Variants in PDXDC1 observed in about 807,000 individuals in gnomAD.
PDXDC1 encodes the protein pyridoxal-dependent decarboxylase domain-containing protein 1.
Under a neutral mutation model 100.1 loss-of-function variants are expected in PDXDC1, and 42 were observed. The ratio of observed to expected loss-of-function variants is 0.42; its 90% CI spans 0.33 to 0.54. The LOEUF (loss-of-function observed/expected upper bound fraction) is 0.54, where lower values mean the gene tolerates loss of function less well. Among genes scored for constraint, PDXDC1 ranks in the 20% least tolerant of loss-of-function variants. The pLI is 0.10. For synonymous variants in PDXDC1, 260 were observed against 371.7 expected (o/e 0.70, Z 3.46); for missense variants, 636 against 979.2 (o/e 0.65, Z 4.68).
chr16:14,986,898 C>T (rs1382773938), intron 1 of PDXDC1, among the ~76,000 whole-genome samples: 19 of 152,392 alleles, frequency 1.2e-4, no homozygotes, highest in Admixed American at 5.2e-4. Flanking sequence ...AGGCGCACAC[C>T]GCCACGTCCA....
intron 16 of PDXDC1, chr16:15,048,132 G>A: frequency 1.4e-6 from 2 of 1,426,654 alleles, no homozygotes; most frequent in African/African-American, 1.4e-5. Flanking sequence ...AAATAGTGAT[G>A]TAAATTAGTG....
intron 16 of PDXDC1, among the ~76,000 whole-genome samples, chr16:15,128,628 C>T (rs540620775): frequency 6.6e-6 from 1 of 152,028 alleles, no homozygotes; most frequent in Admixed American, 6.6e-5. Context: ...GACATGCAAA[C>T]ATGGCTGCAC....
chr16:15,011,641 T>TC (rs1319728291), intron 8 of PDXDC1, among the ~76,000 whole-genome samples: 9 of 151,284 alleles, frequency 5.9e-5, no homozygotes, highest in Non-Finnish European at 4.4e-5. Context: ...CTTTTTTTTT[T>TC]TTTTTTTTTG....
rs1272681922 is a variant in PDXDC1, at chr16:15,094,103, C to G, written c.1400-44776C>G. On this transcript the variant is annotated intron_variant, in intron 16 of 16. Transcript: ENST00000535621. ...CCGCTCCTCTAAGCGCCGTCCTGAG[C>G]TTTCGTCCCAGATACGCAGAAGGAA... is the stretch of plus-strand genomic sequence containing the variant. 2.6e-6 allele frequency: 4 copies of G among 1,536,634 alleles called. No homozygotes were observed. In the Admixed American group the frequency reaches 7.6e-5, roughly 29 times the overall value.
intron 1 of PDXDC1, among the ~76,000 whole-genome samples, chr16:14,984,463 G>GTA (rs2151193256): frequency 7.5e-6 from 1 of 133,558 alleles, no homozygotes; most frequent in African/African-American, 2.7e-5. Context: ...GAGTGTGTGT[G>GTA]TGTGTGTGTA....
the PDXDC1 span, among the ~76,000 whole-genome samples, chr16:15,150,120 G>A: frequency 1.3e-5 from 2 of 151,604 alleles, no homozygotes; most frequent in African/African-American, 2.4e-5. Flanking sequence ...TGAGGCGGGT[G>A]GATCACGAGG....
chr16:15,123,035 C>T (rs909298214), intron 16 of PDXDC1, among the ~76,000 whole-genome samples: 13 of 150,496 alleles, frequency 8.6e-5, no homozygotes, highest in African/African-American at 2.7e-4. Context: ...ACAGGACACG[C>T]GGGGCAAGGG....
intron 16 of PDXDC1, among the ~76,000 whole-genome samples, chr16:15,077,293 G>A (rs1249696691): frequency 2.0e-5 from 3 of 152,094 alleles, no homozygotes; most frequent in Non-Finnish European, 4.4e-5. Flanking sequence ...ATCTCATCTT[G>A]AATCGTACTC....
chr16:15,074,927 C>G, intron 16 of PDXDC1: 1 of 1,449,564 alleles, frequency 6.9e-7, no homozygotes, highest in Non-Finnish European at 9.4e-7. Flanking sequence ...AGTAGGAAAA[C>G]TGTCATAAGT....
At chr16:15,111,523 G>T (rs1393920853) in intron 16 of PDXDC1, among the ~76,000 whole-genome samples, 5 of 148,488 alleles carry the variant, frequency 3.4e-5, no homozygotes, top group African/African-American at 1.2e-4. Context: ...ACTTTGGGAG[G>T]CCGAGGCGGG....
intron 16 of PDXDC1, chr16:15,083,560 T>C (rs202243863): frequency 3.0e-5 from 48 of 1,609,340 alleles, no homozygotes; most frequent in Admixed American, 1.5e-4. Flanking sequence ...TCCACCAGTA[T>C]TGGCATGAGA....
chr16:15,098,821 T>C (rs1203622235), intron 16 of PDXDC1, among the ~76,000 whole-genome samples: 1 of 151,716 alleles, frequency 6.6e-6, no homozygotes. Context: ...GAGGTTGCAG[T>C]GAGCCGAGAT....
intron 12 of PDXDC1, among the ~76,000 whole-genome samples, 178 bp from the exon 13 acceptor site, chr16:15,022,526 T>C (rs1452166144): frequency 6.6e-6 from 1 of 152,300 alleles, no homozygotes; most frequent in African/African-American, 2.4e-5. Context: ...ACTTGAAGGA[T>C]TGGTGAATAT....
intron 21 of PDXDC1, among the ~76,000 whole-genome samples, 153 bp from the exon 22 acceptor site, chr16:15,035,296 G>A (rs1472901570): frequency 1.3e-5 from 2 of 152,080 alleles, no homozygotes; most frequent in Non-Finnish European, 2.9e-5. Context: ...TCTAGCTCAC[G>A]GCACATTCAT....
At chr16:15,132,358 GA>G (rs1484142649) in intron 16 of PDXDC1, among the ~76,000 whole-genome samples, 1 of 20,844 alleles carries the variant, frequency 4.8e-5, no homozygotes, top group Non-Finnish European at 1.4e-4. Flanking sequence ...GGGGAGGGGG[GA>G]GGGGCAAGGG....
chr16:15,049,787 C>A (rs541243182), intron 16 of PDXDC1, among the ~76,000 whole-genome samples: 91 of 152,186 alleles, frequency 6.0e-4, no homozygotes, highest in Admixed American at 1.4e-3. Context: ...GTAAATTGGG[C>A]ACAGAACCAA....
chr16:15,123,711 CTG>C (rs2047552140), intron 16 of PDXDC1, among the ~76,000 whole-genome samples: 1 of 124,320 alleles, frequency 8.0e-6, no homozygotes, highest in Admixed American at 9.1e-5. Context: ...GATCATATAA[CTG>C]TGCTAGAAGT....
In PDXDC1 at chr16:14,989,716, G is replaced by A. The variant is rs1220778330; in HGVS notation, c.22-8037G>A. On this transcript the variant is annotated intron_variant, in intron 1 of 22. Coordinates refer to ENST00000396410, the MANE Select transcript of PDXDC1 (RefSeq NM_015027.4). ...AGCTGCAGGCAACGCACGCGGCGCA[G>A]CAGCCCCTCCCGCAGCAGCAGCACC... is the stretch of plus-strand genomic sequence containing the variant. 14 of 1,555,454 alleles carry A rather than the reference G, an allele frequency of 9.0e-6. No homozygotes were observed. In the Admixed American group the frequency reaches 2.5e-4, roughly 27 times the overall value.
intron 16 of PDXDC1, among the ~76,000 whole-genome samples, chr16:15,055,532 G>A (rs1343420839): frequency 6.6e-6 from 1 of 152,240 alleles, no homozygotes; most frequent in Non-Finnish European, 1.5e-5. Context: ...CCCCGAAGGC[G>A]GGCGGCCGGA....
Sources: gnomAD v4.1 joint callset for allele counts (sites outside exome capture counted in the v4.1 genomes callset) on GRCh38, gnomAD v4.1.1 for gene constraint, MANE v1.5 for transcripts, NCBI Gene and HGNC (gene_info 2026-07-23, HGNC 2026-07-21) for gene names.